The following SH3GL2 variants were observed in gnomAD, a reference collection of about 807,000 sequenced individuals.
SH3GL2 encodes the protein SH3 domain containing GRB2 like 2, endophilin A1.
SH3GL2 carries 24 observed loss-of-function variants against 46.0 expected under a neutral mutation model. That is an observed-to-expected ratio of 0.52 (90% CI 0.38 to 0.73). The LOEUF (loss-of-function observed/expected upper bound fraction) is 0.73. SH3GL2 is among the 30% of genes least tolerant of loss of function. The probability of loss-of-function intolerance (pLI) is 0.00; values close to 1 mark genes in which losing one functional copy is unlikely to be tolerated. For missense variants in SH3GL2, 413 were observed against 424.2 expected, an observed-to-expected ratio of 0.97 and a Z score of 0.23; for synonymous variants, 196 against 147.1, an observed-to-expected ratio of 1.33 and a Z score of -2.40.
chr9:17,761,618 G>C (rs1823178147), intron 3 of SH3GL2, 109 bp downstream of exon 3: 1 of 807,606 alleles, frequency 1.2e-6, no homozygotes, highest in South Asian at 1.3e-5. Flanking sequence ...TGCTTCCTCG[G>C]TCCACTTTTC....
Position 17,695,752 on chromosome 9 carries a change from A to G in SH3GL2, c.46-51314A>G, listed in dbSNP as rs192407709. The stretch of plus-strand genomic sequence containing the variant: ...AGGAGTGGATTACTTCTTGGCAGGA[A>G]TAAGCACAGAAAAATCTATCCAGAT... On this transcript the variant is annotated intron_variant, in intron 1 of 8. Coordinates refer to ENST00000380607, the MANE Select transcript of SH3GL2 (RefSeq NM_003026.5). Among the ~76,000 whole-genome samples the G allele has an allele frequency of 2.2e-3, 330 of 151,742 alleles. 2 individuals are homozygous for G. The highest frequency in any genetic ancestry group is 7.7e-3 in the African/African-American group (317 of 41,058).
chr9:17,641,409 T>G (rs956998212), intron 1 of SH3GL2, among the ~76,000 whole-genome samples: 2 of 152,192 alleles, frequency 1.3e-5, no homozygotes, highest in African/African-American at 4.8e-5. Context: ...TATTTGTCCA[T>G]GCTAAAACAT....
At chr9:17,757,563 G>A (rs1451327559) in intron 2 of SH3GL2, among the ~76,000 whole-genome samples, 1 of 152,206 alleles carries the variant, frequency 6.6e-6, no homozygotes, top group East Asian at 1.9e-4. Context: ...CCCAGGCAAG[G>A]TTAGTTGAAG....
At chr9:17,789,729 T>C in intron 6 of SH3GL2, 179 bp downstream of exon 6, 1 of 1,360,382 alleles carries the variant, frequency 7.4e-7, no homozygotes, top group African/African-American at 1.5e-5. Flanking sequence ...AATAGAAAAG[T>C]TTCTTCTGCA....
intron 7 of SH3GL2, among the ~76,000 whole-genome samples, chr9:17,792,617 C>T (rs1347896524): frequency 6.6e-6 from 1 of 152,188 alleles, no homozygotes; most frequent in Non-Finnish European, 1.5e-5. Context: ...TAAGAGCACA[C>T]AGTATATTTC....
intron 1 of SH3GL2, among the ~76,000 whole-genome samples, chr9:17,715,676 G>A (rs1015261484): frequency 6.6e-6 from 1 of 151,808 alleles, no homozygotes; most frequent in African/African-American, 2.4e-5. Flanking sequence ...ATAGTTATGT[G>A]TATATATAAG....
Position 17,662,544 on chromosome 9 carries a change from C to A in SH3GL2, c.45+83257C>A, listed in dbSNP as rs558231035. 5.9e-5 allele frequency among the ~76,000 whole-genome samples: 9 copies of A among 152,168 alleles called. No individual in the cohort carries two copies. The East Asian group carries it at 1.5e-3, about 26-fold the overall frequency. On this transcript the variant is annotated intron_variant, in intron 1 of 8. Transcript: ENST00000380607. ...TCCAGTGCCTTCTGTATACAATGAG[C>A]TGGATTAGGTTAGTTTTCTAGTATT...
chr9:17,619,548 T>C (rs1819083162), intron 1 of SH3GL2, among the ~76,000 whole-genome samples: 1 of 151,970 alleles, frequency 6.6e-6, no homozygotes, highest in Non-Finnish European at 1.5e-5. Context: ...CTTGGTGGCA[T>C]GCACCTGTAA....
At chr9:17,672,940 G>A (rs1045267244) in intron 1 of SH3GL2, among the ~76,000 whole-genome samples, 2 of 151,956 alleles carry the variant, frequency 1.3e-5, no homozygotes, top group Non-Finnish European at 2.9e-5. Flanking sequence ...TAATCTCTTA[G>A]CTGTCTTCTC....
intron 3 of SH3GL2, among the ~76,000 whole-genome samples, chr9:17,777,178 A>G (rs1196341495): frequency 1.3e-5 from 2 of 152,162 alleles, no homozygotes; most frequent in African/African-American, 4.8e-5. Flanking sequence ...ATTGTTACCC[A>G]AGGACTCAAT....
In SH3GL2 at chr9:17,643,094, G is replaced by A. The variant is rs180978079; in HGVS notation, c.45+63807G>A. The stretch of plus-strand genomic sequence containing the variant: ...AGTGGTTTGTAGTTCTCCTTGAAGA[G>A]GTCCTTCACATCCCTTGTAAGTTGG... On this transcript the variant is annotated intron_variant, in intron 1 of 8. Coordinates refer to ENST00000380607, the MANE Select transcript of SH3GL2 (RefSeq NM_003026.5). 2.4e-3 allele frequency among the ~76,000 whole-genome samples: 363 copies of A among 152,228 alleles called. 1 individual carries two copies. The highest frequency in any genetic ancestry group is 8.3e-3 in the African/African-American group (343 of 41,530).
rs560548148 is a variant in SH3GL2, at chr9:17,786,238, G to A, written c.188-143G>A. 7.1e-4 allele frequency: 471 copies of A among 661,038 alleles called. 5 individuals carry two copies. The South Asian group carries it at 0.01, about 14-fold the overall frequency. 40.9% of individuals were successfully genotyped at this position (661,038 alleles called of 1,614,324 possible). ...GTGGTTGATAAGACTGACTGACGGA[G>A]AGAACACTGGAGCGTACTGAAGGTA... On this transcript the variant is annotated intron_variant, in intron 3 of 8. Transcript: ENST00000380607.
At position 17,595,952 on chromosome 9, in the gene SH3GL2, G is replaced by A. The variant is rs374929393; in HGVS notation, c.45+16665G>A. 1.4e-4 allele frequency among the ~76,000 whole-genome samples: 21 copies of A among 152,182 alleles called. No homozygotes were observed. The East Asian group carries it at 3.1e-3, about 22-fold the overall frequency. ...GTCAGTGGGTTTATGGGTGAGTAGT[G>A]TTTCTATATTTTCTTTCTTATCTTT... On this transcript the variant is annotated intron_variant, in intron 1 of 8. Transcript: ENST00000380607.
chr9:17,703,692 A>G (rs1249511761), intron 1 of SH3GL2, among the ~76,000 whole-genome samples: 5 of 152,094 alleles, frequency 3.3e-5, no homozygotes, highest in Admixed American at 3.3e-4. Flanking sequence ...CACAGAACTA[A>G]AGACAAAAAC....
At chr9:17,681,197 T>C (rs1820757494) in intron 1 of SH3GL2, among the ~76,000 whole-genome samples, 1 of 152,120 alleles carries the variant, frequency 6.6e-6, no homozygotes, top group Admixed American at 6.6e-5. Flanking sequence ...AGGAAAGGTA[T>C]TACGTTTAAG....
chr9:17,707,593 G>A (rs980323608), intron 1 of SH3GL2, among the ~76,000 whole-genome samples: 1 of 151,962 alleles, frequency 6.6e-6, no homozygotes, highest in African/African-American at 2.4e-5. Flanking sequence ...GTGAACTTGT[G>A]GTATTTGTGA....
At chr9:17,669,365 CAT>C in intron 1 of SH3GL2, among the ~76,000 whole-genome samples, 1 of 152,170 alleles carries the variant, frequency 6.6e-6, no homozygotes, top group Non-Finnish European at 1.5e-5. Context: ...GCAGTCAAAA[CAT>C]AGAGCAGTTT....
intron 8 of SH3GL2, among the ~76,000 whole-genome samples, chr9:17,794,841 T>TAAATTACA (rs987161884): frequency 9.9e-5 from 15 of 152,224 alleles, no homozygotes; most frequent in Non-Finnish European, 1.9e-4. Context: ...TTACCAAGTA[T>TAAATTACA]AAATTACAAA....
At chr9:17,702,595 C>T (rs972968568) in intron 1 of SH3GL2, among the ~76,000 whole-genome samples, 1 of 152,064 alleles carries the variant, frequency 6.6e-6, no homozygotes, top group Non-Finnish European at 1.5e-5. Flanking sequence ...GTAATCCTTG[C>T]TTATCATATC....
Sources: allele counts gnomAD v4.1 joint callset (sites outside exome capture counted in the v4.1 genomes callset), GRCh38; gene constraint gnomAD v4.1.1; transcripts MANE v1.5; gene names NCBI Gene and HGNC (gene_info 2026-07-23, HGNC 2026-07-21).